The following LSAMP variants were observed in gnomAD, a reference collection of about 807,000 sequenced individuals.
LSAMP encodes the protein limbic system associated membrane protein, also known as limbic system-associated membrane protein.
In LSAMP, 7 loss-of-function variants were observed where a neutral mutation model predicts 38.6. That is an observed-to-expected ratio of 0.18 (90% CI 0.10 to 0.34). The LOEUF is 0.34. LSAMP is among the 10% of genes least tolerant of loss of function. The probability of loss-of-function intolerance (pLI) is 1.00; values close to 1 mark genes in which losing one functional copy is unlikely to be tolerated. For synonymous variants in LSAMP, 154 were observed against 166.8 expected (o/e 0.92, Z 0.59); for missense variants, 313 against 420.0 (o/e 0.75, Z 2.23).
At chr3:116,047,378 A>G in intron 2 of LSAMP, among the ~76,000 whole-genome samples, 1 of 113,104 alleles carries the variant, frequency 8.8e-6, no homozygotes, top group East Asian at 2.4e-4. Context: ...CTAGTCTAAA[A>G]AAAAAAAAAA....
chr3:116,303,748 A>G (rs2047445848), intron 1 of LSAMP, among the ~76,000 whole-genome samples: 1 of 152,318 alleles, frequency 6.6e-6, no homozygotes, highest in Non-Finnish European at 1.5e-5. Flanking sequence ...GTACGTGCGG[A>G]TTGGCACGGG....
Position 115,808,941 on chromosome 3 carries a change from G to A in LSAMP, c.*1376C>T, listed in dbSNP as rs965372572. 1 of 152,110 alleles carries A rather than the reference G, an allele frequency of 6.6e-6. No individual in the cohort carries two copies. Among genetic ancestry groups the A allele is most frequent in the African/African-American group, 2.4e-5 (1 of 41,388 alleles). 9.4% of individuals were successfully genotyped at this position (152,110 alleles called of 1,614,324 possible). ...AATAGGAAACAATCTCTGCTCAGGG[G>A]AATTCATGGGACAAATGTTATTTAA... On this transcript the variant is annotated 3_prime_UTR_variant, in exon 7 of 7. Transcript: ENST00000490035.
At position 115,825,841 on chromosome 3, in the gene LSAMP, T is replaced by C. The variant is rs548684443; in HGVS notation, c.920-15427A>G. 3.9e-5 allele frequency among the ~76,000 whole-genome samples: 6 copies of C among 152,342 alleles called. No individual in the cohort carries two copies. In the South Asian group the frequency reaches 1.2e-3, roughly 32 times the overall value. On this transcript the variant is annotated intron_variant, in intron 6 of 6. Transcript: ENST00000490035. ...GTAGAAATCTTTGAAGTATTCTAGC[T>C]ATTCTGAAATGTACATACATTGTTG...
chr3:116,439,933 G>C (rs982106484), intron 1 of LSAMP, among the ~76,000 whole-genome samples: 1 of 152,180 alleles, frequency 6.6e-6, no homozygotes, highest in African/African-American at 2.4e-5. Context: ...ATGTTGGCCA[G>C]GATGATCTCA....
intron 6 of LSAMP, among the ~76,000 whole-genome samples, chr3:115,823,733 A>C (rs778786757): frequency 6.6e-6 from 1 of 152,188 alleles, no homozygotes; most frequent in Non-Finnish European, 1.5e-5. Flanking sequence ...AAGGAGAATA[A>C]ATTTTTTCTC....
At chr3:116,238,200 C>G (rs1256798780) in intron 1 of LSAMP, among the ~76,000 whole-genome samples, 1 of 152,134 alleles carries the variant, frequency 6.6e-6, no homozygotes, top group Non-Finnish European at 1.5e-5. Context: ...TATCACCAGG[C>G]CTTCTGGGGC....
chr3:116,104,580 C>T (rs1559744026), intron 1 of LSAMP, among the ~76,000 whole-genome samples: 2 of 151,998 alleles, frequency 1.3e-5, no homozygotes, highest in Admixed American at 6.6e-5. Context: ...TCATTTTTGC[C>T]GAAATCATCC....
intron 3 of LSAMP, among the ~76,000 whole-genome samples, chr3:115,989,090 A>G (rs1158927152): frequency 6.6e-6 from 1 of 152,182 alleles, no homozygotes; most frequent in African/African-American, 2.4e-5. Context: ...GGATGAGAGT[A>G]TAGTTCAAGT....
At chr3:116,132,345 G>A (rs1709153449) in intron 1 of LSAMP, among the ~76,000 whole-genome samples, 1 of 151,920 alleles carries the variant, frequency 6.6e-6, no homozygotes, top group Non-Finnish European at 1.5e-5. Flanking sequence ...AGGACACTCA[G>A]CAGCTGTGAT....
chr3:115,989,419 T>G (rs4426677), intron 3 of LSAMP, among the ~76,000 whole-genome samples: 66,891 of 151,950 alleles, frequency 0.44, 16,094 homozygotes, highest in African/African-American at 0.65. Context: ...ATGAAGCTTG[T>G]TAGTGGTCAC....
intron 1 of LSAMP, among the ~76,000 whole-genome samples, chr3:116,322,512 A>G (rs2047718909): frequency 6.6e-6 from 1 of 152,148 alleles, no homozygotes; most frequent in Admixed American, 6.5e-5. Flanking sequence ...TCACATGCAA[A>G]CACCACCCAT....
intron 1 of LSAMP, among the ~76,000 whole-genome samples, chr3:116,342,827 T>G (rs2048014603): frequency 6.6e-6 from 1 of 152,242 alleles, no homozygotes; most frequent in East Asian, 1.9e-4. Context: ...GAAGCATAGA[T>G]GCAAGAGAAA....
At chr3:116,258,964 C>T (rs746928517) in intron 1 of LSAMP, among the ~76,000 whole-genome samples, 28 of 152,122 alleles carry the variant, frequency 1.8e-4, no homozygotes, top group Admixed American at 1.6e-3. Flanking sequence ...AGAACCCCTA[C>T]ACATAAATGT....
At chr3:115,917,707 C>T (rs901885204) in intron 3 of LSAMP, among the ~76,000 whole-genome samples, 3 of 151,928 alleles carry the variant, frequency 2.0e-5, no homozygotes, top group Admixed American at 1.3e-4. Flanking sequence ...ATATAGCACC[C>T]CCAGTAGGGA....
chr3:116,127,249 G>A (rs773879465), intron 1 of LSAMP, among the ~76,000 whole-genome samples: 5 of 152,114 alleles, frequency 3.3e-5, no homozygotes, highest in African/African-American at 9.7e-5. Context: ...TATATTCTCC[G>A]TTATGTAGTG....
At chr3:116,414,227 T>A (rs941592370) in intron 1 of LSAMP, among the ~76,000 whole-genome samples, 2 of 151,978 alleles carry the variant, frequency 1.3e-5, no homozygotes, top group African/African-American at 4.8e-5. Context: ...GCAGAAGTCT[T>A]CACTACAGGA....
At chr3:116,188,838 C>T (rs544368363) in intron 1 of LSAMP, among the ~76,000 whole-genome samples, 5 of 152,198 alleles carry the variant, frequency 3.3e-5, no homozygotes, top group Admixed American at 2.0e-4. Context: ...GCAGAAACTA[C>T]GATAGAAAGA....
intron 1 of LSAMP, among the ~76,000 whole-genome samples, chr3:116,386,866 A>G (rs2048632840): frequency 6.6e-6 from 1 of 152,182 alleles, no homozygotes; most frequent in Non-Finnish European, 1.5e-5. Context: ...CTGGATCTTG[A>G]AGGATGACTA....
At chr3:115,840,875 G>A (rs1016853070) in intron 6 of LSAMP, among the ~76,000 whole-genome samples, 9 of 152,152 alleles carry the variant, frequency 5.9e-5, no homozygotes, top group African/African-American at 2.2e-4. Context: ...AATAATAACA[G>A]TACTTTTTTT....
Sources: gnomAD v4.1 joint callset for allele counts (sites outside exome capture counted in the v4.1 genomes callset) on GRCh38, gnomAD v4.1.1 for gene constraint, MANE v1.5 for transcripts, NCBI Gene and HGNC (gene_info 2026-07-23, HGNC 2026-07-21) for gene names.